Variants in DDX51 observed in about 807,000 individuals in gnomAD.
DDX51 encodes DEAD-box helicase 51.
In DDX51, 67 loss-of-function variants were observed where a neutral mutation model predicts 74.6. The ratio of observed to expected loss-of-function variants is 0.90; its 90% CI spans 0.74 to 1.10. DDX51 has a LOEUF of 1.10. DDX51 is among the 50% of genes least tolerant of loss of function. The probability of loss-of-function intolerance (pLI) is 0.00; values close to 1 mark genes in which losing one functional copy is unlikely to be tolerated. For synonymous variants in DDX51, 545 were observed against 402.9 expected (o/e 1.35, Z -4.22); for missense variants, 1,056 against 905.2 (o/e 1.17, Z -2.14).
intron 14 of DDX51, 113 bp downstream of exon 14, chr12:132,139,520 CCT>C: frequency 6.3e-7 from 1 of 1,594,752 alleles, no homozygotes; most frequent in Non-Finnish European, 8.6e-7. Context: ...CCTGTGTGAC[CCT>C]CTGTTGCCTT....
In DDX51 at chr12:132,141,917, G is replaced by T; in HGVS notation, c.928C>A (p.Leu310Met). 1 of 1,613,228 alleles carries T rather than the reference G, an allele frequency of 6.2e-7. No homozygotes were observed. The change falls in exon 6 of 15, where the codon CTG (leucine) becomes ATG (methionine). Residue 310 changes from leucine (L) to methionine (M), a missense_variant. Coordinates refer to ENST00000397333, the MANE Select transcript of DDX51 (RefSeq NM_175066.4). ...VFNIYTDATP[L>M]RVSLVTGQKS... The stretch of plus-strand genomic sequence containing the variant: ...TGTCCCGTAACCAGGGAGACTCTCA[G>T]AGGTGTGGCATCTGTGTAGATGTTG...
rs748272121 is a variant in DDX51 at position 132,142,894 on chromosome 12, AAG to A, written c.520-18_520-17del. 258 of 1,612,118 alleles carry A rather than the reference AAG, an allele frequency of 1.6e-4. 5 individuals are homozygous for A. The South Asian group carries it at 2.0e-3, about 13-fold the overall frequency. On this transcript the variant is annotated splice_polypyrimidine_tract_variant and intron_variant, in intron 2 of 14. Coordinates refer to ENST00000397333, the MANE Select transcript of DDX51 (RefSeq NM_175066.4). Reference sequence around the variant, plus strand: ...AAGGCTGGACCTGCCATCAAAAAGAAAGAGAGGCCAGGTGAGCGCTTTCCAGG... The same window carrying A: ...AAGGCTGGACCTGCCATCAAAAAGAAAGAGGCCAGGTGAGCGCTTTCCAGG...
In DDX51 at chr12:132,140,449, C is replaced by A; in HGVS notation, c.1647G>T (p.Lys549Asn). 1 of 1,613,280 alleles carries A rather than the reference C, an allele frequency of 6.2e-7. No individual in the cohort carries two copies. Residue 549 changes from lysine (K) to asparagine (N), a missense_variant, in exon 11 of 15, where the codon AAG becomes AAT. Lys to Asn is a moderately conservative substitution (Grantham distance 94, BLOSUM62 0). Coordinates refer to ENST00000397333, the MANE Select transcript of DDX51 (RefSeq NM_175066.4). Reference protein sequence around the residue: ...YGPGQRRMILKQFEQGKIQLL... With the variant: ...YGPGQRRMILNQFEQGKIQLL... ...GCTGGATCTTCCCCTGTTCAAACTG[C>A]TTCAGGATCATCCTCCTCTGGCCAG...
Position 132,140,165 on chromosome 12 carries a change from C to T in DDX51, c.1708G>A (p.Asp570Asn), listed in dbSNP as rs751269359. 4 of 1,612,864 alleles carry T rather than the reference C, an allele frequency of 2.5e-6. No individual in the cohort carries two copies. The highest frequency in any genetic ancestry group is 1.1e-5 in the South Asian group (1 of 91,084). The change falls in exon 12 of 15, where the codon GAC becomes AAC. Residue 570 changes from aspartate to asparagine, a missense_variant. Asp to Asn is a conservative substitution (Grantham distance 23). Coordinates refer to ENST00000397333, the MANE Select transcript of DDX51 (RefSeq NM_175066.4). ...ACCACCAGCTCCACACCCTGCACGT[C>T]GATGCCTCGCGCGGTGGCGTCCGTG... Reference protein sequence around the residue: ...ISTDATARGIDVQGVELVVNY... With the variant: ...ISTDATARGINVQGVELVVNY...
Position 132,138,246 on chromosome 12 carries a change from TCCA to T in DDX51, c.*1023_*1025del, listed in dbSNP as rs1897322865. 1 of 152,318 alleles carries T rather than the reference TCCA, an allele frequency of 6.6e-6. No homozygotes were observed. The highest frequency in any genetic ancestry group is 6.5e-5 in the Admixed American group (1 of 15,286). The allele number at this position is 152,318 out of a possible 1,614,324, so 9.4% of individuals were successfully genotyped here. On this transcript the variant is annotated 3_prime_UTR_variant, in exon 15 of 15. Transcript: ENST00000397333. ...CGCCCCAAGGCTTTGCCCAGCTGTC[TCCA>T]CGTGACCTTCCCACCAGCAATATGT...
At position 132,141,023 on chromosome 12, in the gene DDX51, G is replaced by A. The variant is rs1297606477; in HGVS notation, c.1251-3C>T. On this transcript the variant is annotated splice_region_variant and splice_polypyrimidine_tract_variant and intron_variant, in intron 8 of 14. Coordinates refer to ENST00000397333, the MANE Select transcript of DDX51 (RefSeq NM_175066.4). The stretch of plus-strand genomic sequence containing the variant: ...GGGGCATCTGGGGACAGCAGGTGCT[G>A]GAAGAGAAGGGGGTGTTGCTGGCAC... 4.4e-6 allele frequency: 7 copies of A among 1,586,638 alleles called. No homozygotes were observed. Among genetic ancestry groups the A allele is most frequent in the East Asian group, 2.2e-5 (1 of 44,696 alleles).
chr12:132,143,470 G>C (rs1897560363), intron 2 of DDX51: 1 of 618,140 alleles, frequency 1.6e-6, no homozygotes, highest in African/African-American at 1.9e-5. Context: ...TTGCAGAACT[G>C]GCGCGGCGCG....
Position 132,144,174 on chromosome 12 carries a change from C to G in DDX51, c.123G>C (p.Arg41=). The G allele has an allele frequency of 4.2e-6, 5 of 1,176,528 alleles. No individual in the cohort carries two copies. The highest frequency in any genetic ancestry group is 5.2e-6 in the Non-Finnish European group (5 of 953,212). The allele number at this position is 1,176,528 out of a possible 1,614,324, so 72.9% of individuals were successfully genotyped here. A position where few individuals can be genotyped will look rare whatever the true frequency, so the allele number is the denominator to read the frequency against. The part of the protein sequence containing the change: ...ARALLERLQS[R]ARERQQQREP... ...CCCGCTGCTGCTGCCGTTCGCGGGC[C>G]CGGCTCTGCAGCCGCTCGAGCAGCG... The change falls in exon 1 of 15, where the codon CGG becomes CGC. Residue 41 remains arginine, a synonymous_variant. Transcript: ENST00000397333.
chr12:132,141,236 G>A (rs950083190), intron 8 of DDX51, 39 bp downstream of exon 8: 11 of 1,562,726 alleles, frequency 7.0e-6, no homozygotes, highest in South Asian at 1.2e-5. Context: ...AGAGGACTCT[G>A]CTCAGGGGAG....
Position 132,140,891 on chromosome 12 carries a change from G to C in DDX51, c.1380C>G (p.Gly460=). The change falls in exon 9 of 15, where the codon GGC becomes GGG. Residue 460 remains glycine, a synonymous_variant. Transcript: ENST00000397333. ...RLFSTGLAHR[G]LEDTDGDGDS... ...CCCCGTCCCCATCTGTATCTTCCAG[G>C]CCCCTGTGTGCTAGCCCTGTGGAGA... is the stretch of plus-strand genomic sequence containing the variant. 1 of 1,613,418 alleles carries C rather than the reference G, an allele frequency of 6.2e-7. No homozygotes were observed. Among genetic ancestry groups the C allele is most frequent in the Non-Finnish European group, 8.5e-7 (1 of 1,179,956 alleles).
chr12:132,143,322 C>A, intron 2 of DDX51: 1 of 429,404 alleles, frequency 2.3e-6, no homozygotes. Flanking sequence ...TCACCTGTCT[C>A]GCCGGAAATC....
intron 14 of DDX51, 145 bp from the exon 15 acceptor site, chr12:132,139,443 G>T: frequency 6.6e-7 from 1 of 1,512,382 alleles, no homozygotes; most frequent in Non-Finnish European, 9.1e-7. Flanking sequence ...AGCCCTCCCT[G>T]GTGCCACGTG....
chr12:132,143,188 T>C lies in DDX51; in HGVS notation c.520-310A>G, dbSNP rs1051220651. 4.6e-5 allele frequency: 20 copies of C among 436,650 alleles called. No homozygotes were observed. In the East Asian group the frequency reaches 9.5e-4, roughly 21 times the overall value. The allele number at this position is 436,650 out of a possible 1,614,324, so 27.0% of individuals were successfully genotyped here. ...GCCGGCGTCCCTGCCTCGAGGCCTC[T>C]GCCTGGCACCCCCAACCCCCAACCT... On this transcript the variant is annotated intron_variant, in intron 2 of 14. Transcript: ENST00000397333.
At chr12:132,141,718 G>T in intron 6 of DDX51, 112 bp from the exon 7 acceptor site, 1 of 1,458,416 alleles carries the variant, frequency 6.9e-7, no homozygotes, top group Non-Finnish European at 9.3e-7. Context: ...AAGGGGGCCG[G>T]TGGGAGCTCC....
At chr12:132,140,034 C>T in intron 12 of DDX51, 64 bp downstream of exon 12, 1 of 1,606,340 alleles carries the variant, frequency 6.2e-7, no homozygotes, top group African/African-American at 1.3e-5. Flanking sequence ...AAGACGGTCC[C>T]ACATCAACGC....
Position 132,140,559 on chromosome 12 carries a change from C to T in DDX51, c.1557-20G>A, listed in dbSNP as rs375258932. On this transcript the variant is annotated intron_variant, in intron 10 of 14. Transcript: ENST00000397333. Reference sequence around the variant, plus strand: ...AAGAGCCTAGGCAGAGAGAAGGCTGCGGCCAAGTGATGCTGGGACCAGAGG... The same window carrying T: ...AAGAGCCTAGGCAGAGAGAAGGCTGTGGCCAAGTGATGCTGGGACCAGAGG... The T allele has an allele frequency of 1.2e-5, 20 of 1,612,690 alleles. No individual in the cohort carries two copies. The highest frequency in any genetic ancestry group is 1.6e-4 in the Middle Eastern group (1 of 6,082).
In DDX51 at chr12:132,139,899, T is replaced by A. The variant is rs1362666483; in HGVS notation, c.1801A>T (p.Lys601Ter). ...HRVGRTARAGKTGQAFTLLLK... is the reference protein window; with the variant it reads ...HRVGRTARAG ...AGCAGTGTGAAGGCCTGTCCAGTTT[T>A]CCCAGCGCGAGCTGTCCTCCCAACC... Residue 601 changes from lysine (K) to a stop codon, truncating the protein, a stop_gained, in exon 13 of 15, where the codon AAA (lysine) becomes TAA (stop). Transcript: ENST00000397333. LOFTEE classifies it high-confidence loss of function. 1 of 1,613,092 alleles carries A rather than the reference T, an allele frequency of 6.2e-7. No homozygotes were observed. Among genetic ancestry groups the A allele is most frequent in the Non-Finnish European group, 8.5e-7 (1 of 1,179,984 alleles).
intron 14 of DDX51, 140 bp downstream of exon 14, chr12:132,139,484 CCCTTGGGCCAG>C: frequency 6.4e-7 from 1 of 1,555,762 alleles, no homozygotes; most frequent in Non-Finnish European, 8.9e-7. Flanking sequence ...GGGCTCCCCG[CCCTTGGGCCAG>C]AAGCTCGAGG....
In DDX51 at chr12:132,140,982, A is replaced by G. The variant is rs369350484; in HGVS notation, c.1289T>C (p.Phe430Ser). 148 of 1,607,796 alleles carry G rather than the reference A, an allele frequency of 9.2e-5. No homozygotes were observed. The highest frequency in any genetic ancestry group is 1.2e-4 in the Non-Finnish European group (142 of 1,178,288). Reference protein sequence around the residue: ...CPQMPLQKLLFSATLTQNPEK... With the variant: ...CPQMPLQKLLSSATLTQNPEK... ...AGGGTTCTGGGTCAGAGTAGCTGAG[A>G]AGAGCAGCTTCTGCAGGGGCATCTG... Residue 430 changes from phenylalanine (F) to serine (S), a missense_variant, in exon 9 of 15, where the codon TTC (phenylalanine) becomes TCC (serine). Physicochemically the swap from Phe to Ser is radical, Grantham distance 155. Coordinates refer to ENST00000397333, the MANE Select transcript of DDX51 (RefSeq NM_175066.4).
Sources: allele counts gnomAD v4.1 joint callset, GRCh38; gene constraint gnomAD v4.1.1; transcripts MANE v1.5; gene names NCBI Gene and HGNC (gene_info 2026-07-23, HGNC 2026-07-21).